Variants in SGK1 observed in about 807,000 individuals in gnomAD.
SGK1 encodes the protein serum/glucocorticoid regulated kinase 1, also known as serine/threonine-protein kinase Sgk1.
A neutral mutation model predicts 64.2 loss-of-function variants in SGK1; 26 were observed. That is an observed-to-expected ratio of 0.40 (90% CI 0.30 to 0.56). The LOEUF is 0.56. Ranked by LOEUF, SGK1 falls within the 20% of genes least tolerant of loss-of-function variation. SGK1 has a pLI of 0.38. For synonymous variants in SGK1, 265 were observed against 239.7 expected, an observed-to-expected ratio of 1.11 and a Z score of -0.98; for missense variants, 519 against 645.6, an observed-to-expected ratio of 0.80 and a Z score of 2.12.
chr6:134,210,611 G>A (rs1775872390), intron 2 of SGK1, among the ~76,000 whole-genome samples: 3 of 151,762 alleles, frequency 2.0e-5, no homozygotes, highest in Admixed American at 6.6e-5. Context: ...GGATCACGAG[G>A]TCAGGAGTTC....
At chr6:134,175,285 G>T (rs374019115) in intron 3 of SGK1, among the ~76,000 whole-genome samples, 1 of 152,216 alleles carries the variant, frequency 6.6e-6, no homozygotes, top group East Asian at 1.9e-4. Flanking sequence ...CACTGTCCCT[G>T]CAGATACCCT....
chr6:134,233,183 GA>G (rs1436889160), intron 2 of SGK1, among the ~76,000 whole-genome samples: 2 of 152,122 alleles, frequency 1.3e-5, no homozygotes, highest in African/African-American at 4.8e-5. Context: ...AAAAAAGAAA[GA>G]TGTGCATTTG....
At chr6:134,253,353 G>A (rs566331313) in intron 2 of SGK1, among the ~76,000 whole-genome samples, 6 of 150,680 alleles carry the variant, frequency 4.0e-5, no homozygotes, top group African/African-American at 1.2e-4. Context: ...GGCAGGTCTC[G>A]AACTCCTGGG....
At position 134,298,784 on chromosome 6, in the gene SGK1, CTTATTTAT is replaced by C. The variant is rs139148949; in HGVS notation, c.69+18600_69+18607del. On this transcript the variant is annotated intron_variant, in intron 1 of 13. Transcript: ENST00000367858. ...AGCTGCTTCTTGATAGCATTCAGCT[CTTATTTAT>C]TTATTTATTTATTTATTTATTTATT... The C allele has an allele frequency of 4.3e-3, 1,178 of 276,536 alleles. 18 individuals are homozygous for C. The highest frequency in any genetic ancestry group is 0.017 in the South Asian group (124 of 7,360). 17.1% of individuals were successfully genotyped at this position (276,536 alleles called of 1,614,324 possible).
At chr6:134,171,435 G>A (rs1389731129) in intron 11 of SGK1, 6 of 607,952 alleles carry the variant, frequency 9.9e-6, no homozygotes, top group Non-Finnish European at 2.9e-6. Context: ...GGTTCAATGT[G>A]GTCCTATCTA....
At position 134,173,012 on chromosome 6, in the gene SGK1, C is replaced by CTTAGAG. The variant is rs1471577062; in HGVS notation, c.834+10_834+11insCTCTAA. 6.2e-7 allele frequency: 1 copy of CTTAGAG among 1,607,696 alleles called. No individual in the cohort carries two copies. The highest frequency in any genetic ancestry group is 1.3e-5 in the African/African-American group (1 of 74,738). On this transcript the variant is annotated intron_variant, in intron 8 of 13. Coordinates refer to ENST00000367858, the MANE Select transcript of SGK1 (RefSeq NM_001143676.3). ...AGACACTAAGAGTTGACTTCTATCCCCCCTGCTCACCTCTCCACCATTAAT... is the reference window on the plus strand; with the variant it reads ...AGACACTAAGAGTTGACTTCTATCCCTTAGAGCCCTGCTCACCTCTCCACCATTAAT...
At chr6:134,202,831 G>T (rs752411669) in intron 3 of SGK1, among the ~76,000 whole-genome samples, 7 of 152,024 alleles carry the variant, frequency 4.6e-5, no homozygotes, top group African/African-American at 1.5e-4. Flanking sequence ...TGTACTGTAG[G>T]GTTTAGTACA....
At chr6:134,199,236 G>A (rs1007340781) in intron 3 of SGK1, among the ~76,000 whole-genome samples, 1 of 152,262 alleles carries the variant, frequency 6.6e-6, no homozygotes, top group South Asian at 2.1e-4. Flanking sequence ...TGATGAAACA[G>A]TCTGCACAAC....
At position 134,207,256 on chromosome 6, in the gene SGK1, C is replaced by A. The variant is rs533046554; in HGVS notation, c.361+100G>T. ...AAACAAAAAACAAAAAACAAACAAA[C>A]AAAAAAATATTTCCCCCCAAACCTT... is the stretch of plus-strand genomic sequence containing the variant. On this transcript the variant is annotated intron_variant, in intron 3 of 13. Coordinates refer to ENST00000367858, the MANE Select transcript of SGK1 (RefSeq NM_001143676.3). 122 of 788,252 alleles carry A rather than the reference C, an allele frequency of 1.5e-4. No homozygotes were observed. In the African/African-American group the frequency reaches 1.8e-3, roughly 12 times the overall value. 48.8% of individuals were successfully genotyped at this position (788,252 alleles called of 1,614,324 possible).
chr6:134,302,103 T>C (rs1051831497), intron 1 of SGK1, among the ~76,000 whole-genome samples: 6 of 152,246 alleles, frequency 3.9e-5, no homozygotes, highest in Admixed American at 2.0e-4. Context: ...ACATGGATTA[T>C]GATTTTGAAT....
At chr6:134,179,040 A>G (rs1003196080) in intron 3 of SGK1, among the ~76,000 whole-genome samples, 1 of 152,144 alleles carries the variant, frequency 6.6e-6, no homozygotes, top group African/African-American at 2.4e-5. Flanking sequence ...ATAAATGCTA[A>G]AACCTGAGAG....
intron 1 of SGK1, among the ~76,000 whole-genome samples, chr6:134,282,481 C>T (rs1163964347): frequency 6.6e-6 from 1 of 151,636 alleles, no homozygotes; most frequent in East Asian, 1.9e-4. Flanking sequence ...GTGAAACCCC[C>T]TCTCTGCTAA....
chr6:134,268,211 CTG>C (rs1349117332), intron 1 of SGK1, among the ~76,000 whole-genome samples: 1 of 152,174 alleles, frequency 6.6e-6, no homozygotes. Flanking sequence ...GAGTAGCTGA[CTG>C]TGAGTGGCTT....
At chr6:134,216,691 C>T (rs1261010472) in intron 2 of SGK1, among the ~76,000 whole-genome samples, 1 of 152,188 alleles carries the variant, frequency 6.6e-6, no homozygotes, top group Non-Finnish European at 1.5e-5. Context: ...TCATGTACCT[C>T]TAAATGTGAA....
chr6:134,170,461 T>A, intron 13 of SGK1, 26 bp from the exon 14 acceptor site: 1 of 1,599,466 alleles, frequency 6.3e-7, no homozygotes, highest in Non-Finnish European at 8.6e-7. Flanking sequence ...AAAAACACTC[T>A]TGTCAAGAAC....
intron 3 of SGK1, among the ~76,000 whole-genome samples, chr6:134,206,964 G>A (rs1342225493): frequency 2.0e-5 from 3 of 151,518 alleles, no homozygotes; most frequent in Non-Finnish European, 2.9e-5. Context: ...GGTGGCTCAC[G>A]CCTGTAATCC....
intron 2 of SGK1, among the ~76,000 whole-genome samples, chr6:134,214,090 A>T (rs2025170): frequency 0.9 from 135,919 of 151,084 alleles, 61,523 homozygotes; most frequent in East Asian, 1. Context: ...ATTAAAAAAA[A>T]TTTTTTTTTT....
At chr6:134,241,071 A>G (rs1174735038) in intron 2 of SGK1, among the ~76,000 whole-genome samples, 1 of 129,070 alleles carries the variant, frequency 7.7e-6, no homozygotes, top group East Asian at 2.1e-4. Flanking sequence ...TTTTTTTGAG[A>G]CAGGGTCCAG....
chr6:134,296,204 G>C (rs1463040724), intron 1 of SGK1, among the ~76,000 whole-genome samples: 3 of 152,210 alleles, frequency 2.0e-5, no homozygotes, highest in African/African-American at 7.2e-5. Flanking sequence ...AAGGACACCA[G>C]CATTCCTGAG....
Sources: allele counts gnomAD v4.1 joint callset (sites outside exome capture counted in the v4.1 genomes callset), GRCh38; gene constraint gnomAD v4.1.1; transcripts MANE v1.5; gene names NCBI Gene and HGNC (gene_info 2026-07-23, HGNC 2026-07-21).